The following MSANTD3 variants were observed in gnomAD, a reference collection of about 807,000 sequenced individuals.
The protein encoded by MSANTD3 is myb/SANT-like DNA-binding domain-containing protein 3.
MSANTD3 carries 11 observed loss-of-function variants against 27.7 expected under a neutral mutation model. The ratio of observed to expected loss-of-function variants is 0.40; its 90% CI spans 0.25 to 0.66. MSANTD3 has a LOEUF of 0.66. Among genes scored for constraint, MSANTD3 ranks in the 30% least tolerant of loss-of-function variants. MSANTD3 has a pLI of 0.41. For synonymous variants in MSANTD3, 131 were observed against 127.2 expected (o/e 1.03, Z -0.20); for missense variants, 250 against 336.5 (o/e 0.74, Z 2.01).
intron 2 of MSANTD3, chr9:100,445,343 CAG>C: frequency 7.1e-6 from 5 of 707,448 alleles, no homozygotes; most frequent in Non-Finnish European, 1.2e-5. Context: ...CTGTCTAATA[CAG>C]TTGTCACAAG....
rs1192342008 is a variant in MSANTD3 at position 100,451,256 on chromosome 9, G to GT, written c.*301dup. 0.04 allele frequency: 8,690 copies of GT among 219,888 alleles called. 8 individuals are homozygous for GT. The highest frequency in any genetic ancestry group is 0.055 in the Middle Eastern group (39 of 706). 13.6% of individuals were successfully genotyped at this position (219,888 alleles called of 1,614,324 possible). ...ACCACGTGTGAGTGTTGTTGTTGTTGTTTTTTTTTTTAATCAAATGCAAGT... is the reference window on the plus strand; with the variant it reads ...ACCACGTGTGAGTGTTGTTGTTGTTGTTTTTTTTTTTTAATCAAATGCAAGT... On this transcript the variant is annotated 3_prime_UTR_variant, in exon 3 of 3. Coordinates refer to ENST00000395067, the MANE Select transcript of MSANTD3 (RefSeq NM_080655.3).
chr9:100,441,883 T>C, intron 1 of MSANTD3, 23 bp from the exon 2 acceptor site: 1 of 1,532,988 alleles, frequency 6.5e-7, no homozygotes, highest in Non-Finnish European at 8.8e-7. Context: ...TTGGTAATCA[T>C]TGCTTCAAAC....
Position 100,450,948 on chromosome 9 carries a change from C to T in MSANTD3, c.810C>T (p.Pro270=), listed in dbSNP as rs764712176. Reference sequence around the variant, plus strand: ...GGCCTGTTTCCTCATTTAACCGGCCCTTTCCCAATTCGCCCTAAGACTTTG... The same window carrying T: ...GGCCTGTTTCCTCATTTAACCGGCCTTTTCCCAATTCGCCCTAAGACTTTG... ...KEWPVSSFNR[P]FPNSP Residue 270 remains proline (P), a synonymous_variant, in exon 3 of 3, where the codon CCC becomes CCT. Coordinates refer to ENST00000395067, the MANE Select transcript of MSANTD3 (RefSeq NM_080655.3). 1 of 1,593,286 alleles carries T rather than the reference C, an allele frequency of 6.3e-7. No individual in the cohort carries two copies. Among genetic ancestry groups the T allele is most frequent in the African/African-American group, 1.4e-5 (1 of 73,922 alleles).
In MSANTD3 at chr9:100,440,780, CTTTTTTTTTTTTTTTTT is replaced by C. The variant is rs529362356; in HGVS notation, c.-33-1115_-33-1099del. On this transcript the variant is annotated intron_variant, in intron 1 of 2. Transcript: ENST00000395067. ...TATTTTTTTTTCTTCTTTTTCTTCC[CTTTTTTTTTTTTTTTTT>C]TTTTTTTTTTAGAGACAGGGTTTTG... is the stretch of plus-strand genomic sequence containing the variant. Among the ~76,000 whole-genome samples the C allele has an allele frequency of 1.1e-4, 9 of 85,696 alleles. 1 individual carries two copies. The highest frequency in any genetic ancestry group is 3.0e-4 in the African/African-American group (6 of 19,748). 56.2% of individuals were successfully genotyped at this position (85,696 alleles called of 152,430 possible).
At position 100,442,095 on chromosome 9, in the gene MSANTD3, G is replaced by A. The variant is rs748379958; in HGVS notation, c.157G>A (p.Ala53Thr). Residue 53 changes from alanine to threonine, a missense_variant, in exon 2 of 3, where the codon GCC (alanine) becomes ACC (threonine). Around this residue, in one of 3 missense-constraint regions of MSANTD3, gnomAD observed 235 missense variants for 299.3 expected, o/e 0.79. Transcript: ENST00000395067. The stretch of plus-strand genomic sequence containing the variant: ...TAAGCAGCGTACCTGGCAGGCGCTG[G>A]CCCACGAATACAACTCTCAGCCCAG... ...ALKQRTWQAL[A>T]HEYNSQPSVS... is the part of the protein sequence containing the mutation. The A allele has an allele frequency of 6.2e-7, 1 of 1,614,162 alleles. No individual in the cohort carries two copies. Among genetic ancestry groups the A allele is most frequent in the South Asian group, 1.1e-5 (1 of 91,088 alleles).
At chr9:100,444,327 A>G (rs1336847843) in intron 2 of MSANTD3, 1 of 152,202 alleles carries the variant, frequency 6.6e-6, no homozygotes, top group Non-Finnish European at 1.5e-5. Context: ...TGAGTTCCCA[A>G]GCCAGGGTAC....
chr9:100,431,865 G>A (rs938477276), intron 1 of MSANTD3, among the ~76,000 whole-genome samples: 3 of 152,156 alleles, frequency 2.0e-5, no homozygotes, highest in African/African-American at 4.8e-5. Flanking sequence ...TAGACGAGAA[G>A]GAGGCTGGAG....
intron 1 of MSANTD3, among the ~76,000 whole-genome samples, chr9:100,429,271 G>A (rs1217068944): frequency 6.6e-6 from 1 of 152,232 alleles, no homozygotes; most frequent in Non-Finnish European, 1.5e-5. Flanking sequence ...TGGAGAGATA[G>A]ACAGTTTGGG....
intron 1 of MSANTD3, among the ~76,000 whole-genome samples, chr9:100,435,662 T>C (rs1199739361): frequency 6.6e-6 from 1 of 152,204 alleles, no homozygotes; most frequent in African/African-American, 2.4e-5. Context: ...GCCATCTTGC[T>C]GTGTGCCATC....
intron 1 of MSANTD3, among the ~76,000 whole-genome samples, chr9:100,427,956 G>A (rs1836282307): frequency 6.6e-6 from 1 of 152,108 alleles, no homozygotes; most frequent in African/African-American, 2.4e-5. Context: ...TCGGGGGGGC[G>A]TGGTATAATA....
chr9:100,429,819 C>T (rs1242453140), intron 1 of MSANTD3, among the ~76,000 whole-genome samples: 4 of 151,938 alleles, frequency 2.6e-5, no homozygotes, highest in African/African-American at 7.3e-5. Context: ...TCTCTTGTCT[C>T]AGCCTCCCAA....
At chr9:100,439,261 C>G (rs929843702) in intron 1 of MSANTD3, among the ~76,000 whole-genome samples, 6 of 152,286 alleles carry the variant, frequency 3.9e-5, no homozygotes, top group Admixed American at 6.5e-5. Flanking sequence ...AGATTTCAGC[C>G]ATTCACAACT....
intron 2 of MSANTD3, among the ~76,000 whole-genome samples, chr9:100,443,334 G>C (rs1836674548): frequency 6.6e-6 from 1 of 151,966 alleles, no homozygotes; most frequent in South Asian, 2.1e-4. Context: ...GGGAGGCAGA[G>C]GTTGTGGTGA....
intron 1 of MSANTD3, among the ~76,000 whole-genome samples, chr9:100,441,647 A>G (rs993682697): frequency 6.6e-6 from 1 of 152,196 alleles, no homozygotes; most frequent in Middle Eastern, 3.2e-3. Flanking sequence ...TTCAAAAAAA[A>G]AATGTTCAAC....
At chr9:100,450,246 T>C (rs12683548) in intron 2 of MSANTD3, among the ~76,000 whole-genome samples, 7,788 of 152,294 alleles carry the variant, frequency 0.051, 415 homozygotes, top group South Asian at 0.24. Flanking sequence ...TATTTCAGTT[T>C]AGAATATCAA....
intron 2 of MSANTD3, 53 bp downstream of exon 2, chr9:100,442,409 T>C (rs1212858601): frequency 5.2e-6 from 8 of 1,526,784 alleles, no homozygotes; most frequent in Non-Finnish European, 6.1e-6. Context: ...CTGTTTGACA[T>C]TTTAATTTTA....
intron 1 of MSANTD3, among the ~76,000 whole-genome samples, chr9:100,432,953 A>G (rs1384141110): frequency 6.6e-6 from 1 of 152,224 alleles, no homozygotes; most frequent in Non-Finnish European, 1.5e-5. Context: ...GAGCTTTATA[A>G]TTTAGAGACG....
At position 100,442,315 on chromosome 9, in the gene MSANTD3, C is replaced by T. The variant is rs756148704; in HGVS notation, c.377C>T (p.Pro126Leu). ...CAGCTCTACTTCCTGCAGAGCCCCC[C>T]GGAGGAGGAGCCCGAATACCACCCC... ...PEQLYFLQSP[P>L]EEEPEYHPDA... Residue 126 changes from proline to leucine, a missense_variant, in exon 2 of 3, where the codon CCG becomes CTG. By Grantham distance (98) the Pro-to-Leu change is moderately conservative (BLOSUM62 -3). Coordinates refer to ENST00000395067, the MANE Select transcript of MSANTD3 (RefSeq NM_080655.3). 9 of 1,613,730 alleles carry T rather than the reference C, an allele frequency of 5.6e-6. No homozygotes were observed. Among genetic ancestry groups the T allele is most frequent in the African/African-American group, 4.0e-5 (3 of 74,932 alleles).
At chr9:100,440,265 T>C (rs1265975803) in intron 1 of MSANTD3, among the ~76,000 whole-genome samples, 2 of 152,160 alleles carry the variant, frequency 1.3e-5, no homozygotes, top group Non-Finnish European at 1.5e-5. Flanking sequence ...GGAATGATTC[T>C]AAGAATACCA....
Sources: gnomAD v4.1 joint callset for allele counts (sites outside exome capture counted in the v4.1 genomes callset) on GRCh38, gnomAD v4.1.1 for gene constraint, gnomAD v4.1.1 regional missense constraint, MANE v1.5 for transcripts, NCBI Gene and HGNC (gene_info 2026-07-23, HGNC 2026-07-21) for gene names.